The following CNOT6 variants were observed in gnomAD, a reference collection of about 807,000 sequenced individuals.
CNOT6 encodes the protein carbon catabolite repression 4 protein.
CNOT6 carries 12 observed loss-of-function variants against 61.2 expected under a neutral mutation model. That is an observed-to-expected ratio of 0.20 (90% CI 0.13 to 0.32). The LOEUF is 0.32. Among genes scored for constraint, CNOT6 ranks in the 10% least tolerant of loss-of-function variants. The probability of loss-of-function intolerance (pLI) is 1.00; values close to 1 mark genes in which losing one functional copy is unlikely to be tolerated. For missense variants in CNOT6, 405 were observed against 663.9 expected (o/e 0.61, Z 4.28); for synonymous variants, 225 against 240.6 (o/e 0.94, Z 0.60).
intron 2 of CNOT6, among the ~76,000 whole-genome samples, chr5:180,542,463 C>G (rs1328524631): frequency 1.3e-5 from 2 of 152,178 alleles, no homozygotes; most frequent in African/African-American, 2.4e-5. Flanking sequence ...CAGGATTTCA[C>G]CATGTTGACC....
chr5:180,547,922 T>TG (rs1335325394), intron 2 of CNOT6, among the ~76,000 whole-genome samples: 1 of 152,080 alleles, frequency 6.6e-6, no homozygotes, highest in Non-Finnish European at 1.5e-5. Context: ...TTAGCAGAGA[T>TG]GGGGTTTCAC....
At chr5:180,567,738 T>C in intron 8 of CNOT6, 111 bp from the exon 9 acceptor site, 1 of 1,427,978 alleles carries the variant, frequency 7.0e-7, no homozygotes. Flanking sequence ...TAATGTGATT[T>C]AAGTGCCATC....
rs1760734446 is a variant in CNOT6 at position 180,571,319 on chromosome 5, A to G, written c.1348A>G (p.Ser450Gly). Residue 450 changes from serine (S) to glycine (G), a missense_variant, in exon 11 of 12, where the codon AGC (serine) becomes GGC (glycine). By Grantham distance (56) the Ser-to-Gly change is moderately conservative. Transcript: ENST00000261951. ...LRYNESLTNF[S>G]CHGKNGTTNG... ...GTATAATGAAAGTCTCACAAACTTC[A>G]GCTGTCATGGGAAGAATGGAACCAC... The G allele has an allele frequency of 6.2e-7, 1 of 1,613,890 alleles. No individual in the cohort carries two copies. Among genetic ancestry groups the G allele is most frequent in the Non-Finnish European group, 8.5e-7 (1 of 1,179,828 alleles).
At chr5:180,536,000 T>C (rs1232802388) in intron 2 of CNOT6, among the ~76,000 whole-genome samples, 1 of 122,194 alleles carries the variant, frequency 8.2e-6, no homozygotes, top group Admixed American at 8.4e-5. Flanking sequence ...TTTTTTTTTT[T>C]TTTTTTTTTT....
rs966356717 is a variant in CNOT6, at chr5:180,575,026, T to C, written c.*826T>C. 2.0e-5 allele frequency: 3 copies of C among 152,634 alleles called. No individual in the cohort carries two copies. The highest frequency in any genetic ancestry group is 2.9e-5 in the Non-Finnish European group (2 of 68,032). 9.5% of individuals were successfully genotyped at this position (152,634 alleles called of 1,614,324 possible). ...TATGGACTGAATGTAATGGTTGATA[T>C]ATGTACATTCTGATATTTTTAAATC... On this transcript the variant is annotated 3_prime_UTR_variant, in exon 12 of 12. Transcript: ENST00000261951.
At chr5:180,562,604 G>A (rs535753280) in intron 4 of CNOT6, among the ~76,000 whole-genome samples, 1 of 152,236 alleles carries the variant, frequency 6.6e-6, no homozygotes, top group Non-Finnish European at 1.5e-5. Context: ...GCCGGGCATG[G>A]TGGCAGCTGC....
chr5:180,571,450 TA>T lies in CNOT6; in HGVS notation c.1461+20del, dbSNP rs1440457170. On this transcript the variant is annotated intron_variant, in intron 11 of 11. Transcript: ENST00000261951. ...ATTTCAAGGTGTGTCTTGAGACTGA[TA>T]AGCTTTTCAAACCTGTCTTTTACTG... The T allele has an allele frequency of 2.3e-5, 36 of 1,594,418 alleles. No individual in the cohort carries two copies. Among genetic ancestry groups the T allele is most frequent in the Non-Finnish European group, 2.8e-5 (33 of 1,162,650 alleles).
chr5:180,501,355 A>T (rs1048799711), intron 1 of CNOT6, among the ~76,000 whole-genome samples: 1 of 152,192 alleles, frequency 6.6e-6, no homozygotes, highest in Non-Finnish European at 1.5e-5. Flanking sequence ...TAGCTTAGAG[A>T]ACTGTTGGTA....
chr5:180,552,512 G>T (rs565078822), intron 3 of CNOT6, among the ~76,000 whole-genome samples: 3 of 151,986 alleles, frequency 2.0e-5, no homozygotes, highest in Admixed American at 6.6e-5. Context: ...TGGGTGTGGT[G>T]GCAGGCACCT....
chr5:180,571,702 A>G (rs773127637), intron 11 of CNOT6, among the ~76,000 whole-genome samples: 8 of 152,096 alleles, frequency 5.3e-5, no homozygotes, highest in African/African-American at 7.2e-5. Context: ...AGTAGCTGGG[A>G]CTACAGGCGC....
intron 2 of CNOT6, among the ~76,000 whole-genome samples, chr5:180,549,445 C>G (rs747784961): frequency 4.7e-4 from 72 of 152,108 alleles, no homozygotes; most frequent in Middle Eastern, 3.4e-3. Flanking sequence ...GTCAGGAGAT[C>G]GAGACCATCC....
chr5:180,572,245 A>G (rs752130498), intron 11 of CNOT6, among the ~76,000 whole-genome samples: 15 of 152,126 alleles, frequency 9.9e-5, no homozygotes, highest in African/African-American at 3.6e-4. Flanking sequence ...GCTGGAGTGC[A>G]GTGGCGTGAT....
intron 2 of CNOT6, among the ~76,000 whole-genome samples, chr5:180,542,777 G>A (rs897612968): frequency 2.6e-5 from 4 of 152,110 alleles, no homozygotes; most frequent in African/African-American, 9.7e-5. Flanking sequence ...CTTAACATAG[G>A]TCAGGATAAT....
At chr5:180,549,421 G>A (rs1049822396) in intron 2 of CNOT6, among the ~76,000 whole-genome samples, 1 of 152,076 alleles carries the variant, frequency 6.6e-6, no homozygotes, top group Non-Finnish European at 1.5e-5. Flanking sequence ...AGGCCAAGGC[G>A]GGCAGATCAC....
rs1237768097 is a variant in CNOT6 at position 180,577,525 on chromosome 5, A to G, written c.*3325A>G. The stretch of plus-strand genomic sequence containing the variant: ...CAGTACAGATGTTGCAGATAATTCC[A>G]AGAACTCCTTCAGCAGGTGTTCTTC... On this transcript the variant is annotated 3_prime_UTR_variant, in exon 12 of 12. Transcript: ENST00000261951. 6.6e-6 allele frequency: 1 copy of G among 152,648 alleles called. No individual in the cohort carries two copies. Among genetic ancestry groups the G allele is most frequent in the Non-Finnish European group, 1.5e-5 (1 of 68,038 alleles). The allele number at this position is 152,648 out of a possible 1,614,324, so 9.5% of individuals were successfully genotyped here. A position where few individuals can be genotyped will look rare whatever the true frequency, so the allele number is the denominator to read the frequency against.
intron 4 of CNOT6, 36 bp from the exon 5 acceptor site, chr5:180,564,453 T>G: frequency 7.3e-7 from 1 of 1,373,976 alleles, no homozygotes; most frequent in Non-Finnish European, 1.0e-6. Flanking sequence ...ATTTTATTAC[T>G]TAGTTTCATT....
At chr5:180,512,600 T>A (rs1757442895) in intron 1 of CNOT6, among the ~76,000 whole-genome samples, 1 of 152,190 alleles carries the variant, frequency 6.6e-6, no homozygotes, top group African/African-American at 2.4e-5. Context: ...ATTTTTATTC[T>A]TATTTATTTA....
At chr5:180,525,634 G>A (rs116522076) in intron 1 of CNOT6, among the ~76,000 whole-genome samples, 2,686 of 152,088 alleles carry the variant, frequency 0.018, 69 homozygotes, top group African/African-American at 0.06. Flanking sequence ...CTCATTTAAA[G>A]CCTGACTCTG....
chr5:180,538,176 C>T (rs946529511), intron 2 of CNOT6, among the ~76,000 whole-genome samples: 3 of 150,530 alleles, frequency 2.0e-5, no homozygotes, highest in Admixed American at 1.3e-4. Flanking sequence ...GTAGCTGGGA[C>T]TACAGGTGCC....
Sources: allele counts gnomAD v4.1 joint callset (sites outside exome capture counted in the v4.1 genomes callset), GRCh38; gene constraint gnomAD v4.1.1; transcripts MANE v1.5; gene names NCBI Gene and HGNC (gene_info 2026-07-23, HGNC 2026-07-21).